KLF8: variants seen among roughly 807,000 people sequenced by gnomAD.
KLF8 encodes KLF transcription factor 8, also known as Krueppel-like factor 8.
A neutral mutation model predicts 18.2 loss-of-function variants in KLF8; 10 were observed. The observed-to-expected ratio is 0.55, with a 90% CI of 0.34 to 0.93. The LOEUF (loss-of-function observed/expected upper bound fraction) is 0.93, where lower values mean the gene tolerates loss of function less well. KLF8 is among the 40% of genes least tolerant of loss of function. KLF8 has a pLI of 0.02. For synonymous variants in KLF8, 109 were observed against 97.3 expected, an observed-to-expected ratio of 1.12 and a Z score of -0.71; for missense variants, 264 against 277.9, an observed-to-expected ratio of 0.95 and a Z score of 0.36.
intron 3 of KLF8, 147 bp downstream of exon 3, chrX:56,265,891 T>C: frequency 5.7e-6 from 6 of 1,061,818 alleles, no homozygotes; most frequent in Non-Finnish European, 7.3e-6. Flanking sequence ...TTTTATGTCT[T>C]TTTAATGCTT....
At chrX:56,121,685 C>T in the KLF8 span, among the ~76,000 whole-genome samples, 9 of 112,488 alleles carry the variant, frequency 8.0e-5, no homozygotes, top group Non-Finnish European at 1.7e-4. Context: ...CAAATAAAGG[C>T]TACTTGCCAC....
the KLF8 span, among the ~76,000 whole-genome samples, chrX:56,022,507 C>G: frequency 2.1e-4 from 20 of 95,780 alleles, no homozygotes; most frequent in South Asian, 0.01. Context: ...CGAGATCGCG[C>G]CACTACACTC....
the KLF8 span, among the ~76,000 whole-genome samples, chrX:56,199,465 G>A: frequency 1.9e-4 from 21 of 112,145 alleles, no homozygotes; most frequent in African/African-American, 6.5e-4. Context: ...AGACATATAT[G>A]CAGCCTACAG....
intron 5 of KLF8, among the ~76,000 whole-genome samples, chrX:56,279,237 G>A (rs1244285277): frequency 2.7e-5 from 3 of 111,144 alleles, no homozygotes; most frequent in Non-Finnish European, 5.7e-5. Flanking sequence ...AGATAGTTGT[G>A]AAATTGGTGT....
chrX:55,947,736 G>A, the KLF8 span, among the ~76,000 whole-genome samples: 1 of 111,666 alleles, frequency 9.0e-6, no homozygotes, highest in Admixed American at 9.5e-5. Flanking sequence ...AACCCCTCAT[G>A]ACTTTCTGTT....
the KLF8 span, among the ~76,000 whole-genome samples, chrX:56,113,108 G>A: frequency 9.2e-6 from 1 of 108,931 alleles, no homozygotes; most frequent in Non-Finnish European, 1.9e-5. Context: ...AGCTACTCGA[G>A]GATGGCTTGA....
chrX:56,047,720 A>C, the KLF8 span, among the ~76,000 whole-genome samples: 2 of 111,502 alleles, frequency 1.8e-5, no homozygotes, highest in Non-Finnish European at 3.8e-5. Context: ...GTGCCGCAGT[A>C]AACATACGTG....
the KLF8 span, among the ~76,000 whole-genome samples, chrX:56,058,986 T>C: frequency 2.7e-5 from 3 of 112,128 alleles, no homozygotes; most frequent in Admixed American, 9.4e-5. Context: ...AAAGTGTTCC[T>C]ATTTCTCCAC....
At chrX:56,203,108 T>A in the KLF8 span, among the ~76,000 whole-genome samples, 1 of 112,043 alleles carries the variant, frequency 8.9e-6, no homozygotes, top group South Asian at 3.7e-4. Context: ...GTGTTTTGGA[T>A]AAAAGCTATT....
At chrX:56,076,915 GT>G in the KLF8 span, among the ~76,000 whole-genome samples, 1 of 112,093 alleles carries the variant, frequency 8.9e-6, no homozygotes, top group East Asian at 2.8e-4. Flanking sequence ...TTTTTCATGT[GT>G]TTTTTGGCTG....
the KLF8 span, among the ~76,000 whole-genome samples, chrX:55,945,604 C>T: frequency 9.0e-6 from 1 of 111,283 alleles, no homozygotes. Context: ...TCTCTCACCA[C>T]TCCTATTCAA....
the KLF8 span, among the ~76,000 whole-genome samples, chrX:55,954,146 C>T: frequency 9.0e-6 from 1 of 110,540 alleles, no homozygotes; most frequent in East Asian, 2.8e-4. Context: ...TCCAGTCTAT[C>T]ATTGATGGGA....
the KLF8 span, among the ~76,000 whole-genome samples, chrX:55,988,519 C>T: frequency 1.4e-4 from 15 of 108,211 alleles, no homozygotes; most frequent in Non-Finnish European, 2.3e-4. Flanking sequence ...TGTAGATATG[C>T]GGCATTATTT....
At chrX:55,913,133 C>T in the KLF8 span, among the ~76,000 whole-genome samples, 1 of 112,024 alleles carries the variant, frequency 8.9e-6, no homozygotes, top group Non-Finnish European at 1.9e-5. Flanking sequence ...TGAAACTGTT[C>T]TTGCCAAAGT....
the KLF8 span, among the ~76,000 whole-genome samples, chrX:56,136,391 G>T: frequency 7.2e-5 from 8 of 111,094 alleles, no homozygotes; most frequent in East Asian, 1.7e-3. Context: ...GCATGGTACT[G>T]GTACCAAAAC....
the KLF8 span, among the ~76,000 whole-genome samples, chrX:56,085,068 T>G: frequency 1.8e-5 from 2 of 111,855 alleles, no homozygotes; most frequent in African/African-American, 3.2e-5. Context: ...TAGACAAATT[T>G]TGTCCAAAGA....
chrX:56,150,012 A>T, the KLF8 span, among the ~76,000 whole-genome samples: 1 of 112,137 alleles, frequency 8.9e-6, no homozygotes, highest in Non-Finnish European at 1.9e-5. Context: ...GGTTCACCAA[A>T]TATCTTTGCT....
the KLF8 span, among the ~76,000 whole-genome samples, chrX:55,989,459 G>A: frequency 3.6e-5 from 4 of 112,391 alleles, no homozygotes; most frequent in African/African-American, 1.3e-4. Flanking sequence ...TATTGAGATA[G>A]TCATGTGGTT....
chrX:55,976,569 T>TACACACACAC, the KLF8 span, among the ~76,000 whole-genome samples: 7,459 of 102,432 alleles, frequency 0.073, 247 homozygotes, highest in Non-Finnish European at 0.11. Flanking sequence ...TCCATTTGTG[T>TACACACACAC]ACACACACAC....
Sources: allele counts gnomAD v4.1 joint callset (sites outside exome capture counted in the v4.1 genomes callset), GRCh38; gene constraint gnomAD v4.1.1; transcripts MANE v1.5; gene names NCBI Gene and HGNC (gene_info 2026-07-23, HGNC 2026-07-21).